DNM1: variants seen among roughly 807,000 people sequenced by gnomAD.
DNM1 encodes dynamin 1, also known as dynamin-1.
In DNM1, 29 loss-of-function variants were observed where a neutral mutation model predicts 104.6. The observed-to-expected ratio is 0.28, with a 90% CI of 0.21 to 0.38. The LOEUF is 0.38. Ranked by LOEUF, DNM1 falls within the 10% of genes least tolerant of loss-of-function variation. The pLI is 1.00. For missense variants in DNM1, 640 were observed against 1,189.4 expected (o/e 0.54, Z 6.79); for synonymous variants, 445 against 475.8 (o/e 0.94, Z 0.84).
intron 21 of DNM1, chr9:128,252,515 G>C (rs1288226083): frequency 1.3e-5 from 5 of 393,746 alleles, no homozygotes; most frequent in Non-Finnish European, 2.5e-5. Flanking sequence ...GGTGTAGTGT[G>C]GGCTGCAACG....
intron 13 of DNM1, 42 bp downstream of exon 13, chr9:128,239,821 C>A: frequency 6.3e-7 from 1 of 1,594,052 alleles, no homozygotes; most frequent in African/African-American, 1.3e-5. Context: ...ATGGAGGGTG[C>A]CGGACGGACA....
At position 128,224,655 on chromosome 9, in the gene DNM1, G is replaced by T. The variant is rs1261457631; in HGVS notation, c.1335+266G>T. 6.6e-6 allele frequency among the ~76,000 whole-genome samples: 1 copy of T among 152,088 alleles called. No homozygotes were observed. The highest frequency in any genetic ancestry group is 1.5e-5 in the Non-Finnish European group (1 of 68,006). The stretch of plus-strand genomic sequence containing the variant: ...TGTTTACCCCAAGAGCCCACCAAGA[G>T]CTCCCCCAGCTCAGAGAATAGGGCT... On this transcript the variant is annotated intron_variant, in intron 10 of 21. Coordinates refer to ENST00000372923, the MANE Select transcript of DNM1 (RefSeq NM_004408.4). This position sits in a 1 kb window ranked among gnomAD's most constrained non-coding sequence, Gnocchi z 4.3.
intron 10 of DNM1, among the ~76,000 whole-genome samples, chr9:128,225,735 G>A (rs749473935): frequency 4.6e-5 from 7 of 152,040 alleles, no homozygotes; most frequent in Non-Finnish European, 1.0e-4. Flanking sequence ...AACTCAATAG[G>A]GGTCTTGTAC....
chr9:128,252,701 CT>C (rs1829600559), intron 21 of DNM1: 1 of 482,198 alleles, frequency 2.1e-6, no homozygotes, highest in Non-Finnish European at 4.1e-6. Context: ...GACAGCTGGA[CT>C]TTAGCGAGCA....
Position 128,203,414 on chromosome 9 carries a change from T to A in DNM1, c.-57T>A, listed in dbSNP as rs1833605924. ...CGCGGCTGCAGCGGCGGAGCCGGAGTCGGAGCCGGGAGCGCTAGCGGCAGC... is the reference window on the plus strand; with the variant it reads ...CGCGGCTGCAGCGGCGGAGCCGGAGACGGAGCCGGGAGCGCTAGCGGCAGC... On this transcript the variant is annotated 5_prime_UTR_variant, in exon 1 of 22. Transcript: ENST00000372923. This position sits in a 1 kb window ranked among gnomAD's most constrained non-coding sequence, Gnocchi z 5.3. 10 of 1,361,348 alleles carry A rather than the reference T, an allele frequency of 7.3e-6. No individual in the cohort carries two copies. Among genetic ancestry groups the A allele is most frequent in the Non-Finnish European group, 9.5e-7 (1 of 1,054,768 alleles). The allele number at this position is 1,361,348 out of a possible 1,614,324, so 84.3% of individuals were successfully genotyped here. A position where few individuals can be genotyped will look rare whatever the true frequency, so the allele number is the denominator to read the frequency against.
At chr9:128,249,092 C>G (rs1391090328) in intron 19 of DNM1, among the ~76,000 whole-genome samples, 1 of 151,664 alleles carries the variant, frequency 6.6e-6, no homozygotes, top group African/African-American at 2.4e-5. Context: ...ACTCGGGAGG[C>G]TGAGGCAGGA....
chr9:128,248,046 G>C lies in DNM1; in HGVS notation c.1905+111G>C. On this transcript the variant is annotated intron_variant, in intron 18 of 21. Coordinates refer to ENST00000372923, the MANE Select transcript of DNM1 (RefSeq NM_004408.4). The surrounding 1 kb of genome is among the most constrained non-coding windows in gnomAD (Gnocchi z 5.6). The stretch of plus-strand genomic sequence containing the variant: ...ATGTTCTTTTCTAATTTCTGGATTG[G>C]GGCCAGGCGCAGTGGCTCACACCTG... 6.7e-7 allele frequency: 1 copy of C among 1,488,106 alleles called. No homozygotes were observed. The allele number at this position is 1,488,106 out of a possible 1,614,324, so 92.2% of individuals were successfully genotyped here. A position where few individuals can be genotyped will look rare whatever the true frequency, so the allele number is the denominator to read the frequency against.
Position 128,220,137 on chromosome 9 carries a change from C to T in DNM1, c.689-44C>T, listed in dbSNP as rs3003606. On this transcript the variant is annotated intron_variant, in intron 5 of 21. Coordinates refer to ENST00000372923, the MANE Select transcript of DNM1 (RefSeq NM_004408.4). This position sits in a 1 kb window ranked among gnomAD's most constrained non-coding sequence, Gnocchi z 5.2. ...CTCCCCAGCCCTTCCCCACCCTTCC[C>T]CTCCTCTTGAGGCTGGTTGCCCTGA... 863,179 of 1,611,766 alleles carry T rather than the reference C, an allele frequency of 0.54. 238,895 individuals are homozygous for T. The highest frequency in any genetic ancestry group is 0.67 in the Admixed American group (40,224 of 59,974).
At chr9:128,214,821 C>T (rs1834510589) in intron 1 of DNM1, among the ~76,000 whole-genome samples, 1 of 152,242 alleles carries the variant, frequency 6.6e-6, no homozygotes, top group African/African-American at 2.4e-5. Context: ...ACGCGGCCTC[C>T]GAGGCTGGTG....
Position 128,254,567 on chromosome 9 carries a change from GGCCCCGGCCGT to G in DNM1, c.2535-85_2535-75del, listed in dbSNP as rs768980381. On this transcript the variant is annotated intron_variant, in intron 21 of 21. Coordinates refer to ENST00000372923, the MANE Select transcript of DNM1 (RefSeq NM_004408.4). The surrounding 1 kb of genome is among the most constrained non-coding windows in gnomAD (Gnocchi z 6.1). ...CTCCCACCACTGCTGCGGCGCGGCC[GGCCCCGGCCGT>G]GTGCTGCGCTTGCCTTACCAGCTCT... 1.0e-3 allele frequency: 1,441 copies of G among 1,421,986 alleles called. No individual in the cohort carries two copies. The highest frequency in any genetic ancestry group is 1.3e-3 in the Non-Finnish European group (1,342 of 1,070,040). 88.1% of individuals were successfully genotyped at this position (1,421,986 alleles called of 1,614,324 possible). A position where few individuals can be genotyped will look rare whatever the true frequency, so the allele number is the denominator to read the frequency against.
At position 128,250,329 on chromosome 9, in the gene DNM1, A is replaced by C; in HGVS notation, c.2291A>C (p.Gln764Pro). Reference protein sequence around the residue: ...MPPPVDDSWLQVQSVPAGRRS... With the variant: ...MPPPVDDSWLPVQSVPAGRRS... ...CCGCCCGTGGACGACTCCTGGCTGC[A>C]GGTGCAGAGCGTACCGGCCGGACGC... is the stretch of plus-strand genomic sequence containing the variant. Residue 764 changes from glutamine (Q) to proline (P), a missense_variant, in exon 20 of 22, where the codon CAG (glutamine) becomes CCG (proline). Physicochemically the swap from Gln to Pro is moderately conservative, Grantham distance 76. This residue lies in a region of DNM1 where 129 missense variants were observed against 224.6 expected (regional missense o/e 0.57). Transcript: ENST00000372923. 1 of 1,599,764 alleles carries C rather than the reference A, an allele frequency of 6.3e-7. No homozygotes were observed. The highest frequency in any genetic ancestry group is 8.5e-7 in the Non-Finnish European group (1 of 1,173,744).
At position 128,253,122 on chromosome 9, in the gene DNM1, A is replaced by G. The variant is rs1350458811; in HGVS notation, c.2535-1532A>G. ...TCAGAATCACTATCAGTGACCCCTG[A>G]GGAGCGTCAGCCATGGTAGGTACAT... On this transcript the variant is annotated intron_variant, in intron 21 of 21. Transcript: ENST00000372923. The surrounding 1 kb of genome is among the most constrained non-coding windows in gnomAD (Gnocchi z 5.9). 6.2e-7 allele frequency: 1 copy of G among 1,608,042 alleles called. No individual in the cohort carries two copies. Among genetic ancestry groups the G allele is most frequent in the Non-Finnish European group, 8.5e-7 (1 of 1,179,952 alleles).
chr9:128,203,386 G>T lies in DNM1; in HGVS notation c.-85G>T. 1.6e-6 allele frequency: 2 copies of T among 1,277,992 alleles called. No individual in the cohort carries two copies. Among genetic ancestry groups the T allele is most frequent in the Middle Eastern group, 2.9e-4 (1 of 3,406 alleles). 79.2% of individuals were successfully genotyped at this position (1,277,992 alleles called of 1,614,324 possible). A position where few individuals can be genotyped will look rare whatever the true frequency, so the allele number is the denominator to read the frequency against. Reference sequence around the variant, plus strand: ...GGGCCCCGCGGCGCAGGCAGTCTGGGCGCGCGGCTGCAGCGGCGGAGCCGG... The same window carrying T: ...GGGCCCCGCGGCGCAGGCAGTCTGGTCGCGCGGCTGCAGCGGCGGAGCCGG... On this transcript the variant is annotated 5_prime_UTR_variant, in exon 1 of 22. Coordinates refer to ENST00000372923, the MANE Select transcript of DNM1 (RefSeq NM_004408.4). The surrounding 1 kb of genome is among the most constrained non-coding windows in gnomAD (Gnocchi z 5.3).
Position 128,218,011 on chromosome 9 carries a change from C to T in DNM1, c.162-220C>T, listed in dbSNP as rs1834716685. ...GAGTTGATCCAGTCTCTTGGCAGCT[C>T]AGATGCATAAATTCTGTGACCCAGG... is the stretch of plus-strand genomic sequence containing the variant. On this transcript the variant is annotated intron_variant, in intron 1 of 21. Transcript: ENST00000372923. This position sits in a 1 kb window ranked among gnomAD's most constrained non-coding sequence, Gnocchi z 4.8. 6.6e-6 allele frequency among the ~76,000 whole-genome samples: 1 copy of T among 152,192 alleles called. No homozygotes were observed. The highest frequency in any genetic ancestry group is 1.5e-5 in the Non-Finnish European group (1 of 68,048).
intron 11 of DNM1, among the ~76,000 whole-genome samples, chr9:128,236,910 C>G (rs61335530): frequency 0.04 from 6,074 of 152,282 alleles, 406 homozygotes; most frequent in African/African-American, 0.14. Context: ...TTTTCTTATG[C>G]GTGTGCACTC....
chr9:128,217,846 T>C (rs1834705700), intron 1 of DNM1, among the ~76,000 whole-genome samples: 1 of 152,162 alleles, frequency 6.6e-6, no homozygotes, highest in Non-Finnish European at 1.5e-5. Flanking sequence ...ACAGCTCTGT[T>C]TCCTGGGATC....
intron 11 of DNM1, among the ~76,000 whole-genome samples, chr9:128,235,954 C>T (rs974116798): frequency 6.6e-6 from 1 of 152,022 alleles, no homozygotes; most frequent in Admixed American, 6.6e-5. Flanking sequence ...TGGGCTCAAG[C>T]GATCTGCCTC....
intron 15 of DNM1, among the ~76,000 whole-genome samples, chr9:128,244,383 A>G (rs1836615387): frequency 6.6e-6 from 1 of 151,950 alleles, no homozygotes; most frequent in African/African-American, 2.4e-5. Context: ...GGATTCTTGC[A>G]CTAGGACCAC....
intron 1 of DNM1, among the ~76,000 whole-genome samples, chr9:128,217,241 C>T (rs551473177): frequency 2.0e-5 from 3 of 152,244 alleles, no homozygotes; most frequent in East Asian, 1.9e-4. Context: ...CAAATATATC[C>T]GAGACCAGGG....
Sources: allele counts gnomAD v4.1 joint callset (sites outside exome capture counted in the v4.1 genomes callset), GRCh38; gene constraint gnomAD v4.1.1; regional missense constraint gnomAD v4.1.1; non-coding constraint Gnocchi (gnomAD v3.1); transcripts MANE v1.5; gene names NCBI Gene and HGNC (gene_info 2026-07-23, HGNC 2026-07-21).